The following ARB2A variants were observed in gnomAD, a reference collection of about 807,000 sequenced individuals.
ARB2A encodes cotranscriptional regulator ARB2A.
At chr5:93,637,912 T>C in the ARB2A span, among the ~76,000 whole-genome samples, 1 of 152,172 alleles carries the variant, frequency 6.6e-6, no homozygotes, top group African/African-American at 2.4e-5. Flanking sequence ...GCTTGACCTT[T>C]GGAGGGTCTG....
the ARB2A span, among the ~76,000 whole-genome samples, chr5:93,792,603 CA>C: frequency 2.0e-5 from 3 of 148,358 alleles, no homozygotes; most frequent in Non-Finnish European, 3.0e-5. Context: ...ACACCAAAAC[CA>C]AAAAACCAAA....
At chr5:93,804,753 A>G in the ARB2A span, 1 of 360,920 alleles carries the variant, frequency 2.8e-6, no homozygotes, top group Non-Finnish European at 3.9e-6. Context: ...TTTTTAATAT[A>G]TCTGTTTTAT....
At chr5:93,851,769 C>G in the ARB2A span, among the ~76,000 whole-genome samples, 1 of 152,118 alleles carries the variant, frequency 6.6e-6, no homozygotes, top group Non-Finnish European at 1.5e-5. Flanking sequence ...CATGTCCCTA[C>G]AAAGGACATG....
the ARB2A span, among the ~76,000 whole-genome samples, chr5:93,654,298 T>G: frequency 6.6e-6 from 1 of 152,206 alleles, no homozygotes; most frequent in East Asian, 1.9e-4. Flanking sequence ...GAACTCCCTC[T>G]AAGGTGAAGC....
chr5:93,920,625 C>G, the ARB2A span, among the ~76,000 whole-genome samples: 29 of 152,136 alleles, frequency 1.9e-4, 1 homozygote, highest in South Asian at 2.5e-3. Flanking sequence ...ATATAATATT[C>G]ACAAATATAT....
the ARB2A span, chr5:93,824,174 A>G: frequency 6.3e-7 from 1 of 1,595,476 alleles, no homozygotes. Context: ...AGTCCTCCAT[A>G]GCTGTGAGCA....
the ARB2A span, among the ~76,000 whole-genome samples, chr5:94,107,787 C>A: frequency 6.6e-6 from 1 of 152,178 alleles, no homozygotes; most frequent in East Asian, 1.9e-4. Flanking sequence ...CACTGTTGAG[C>A]TGTATGGACT....
At chr5:93,829,257 C>CT in the ARB2A span, among the ~76,000 whole-genome samples, 1 of 152,166 alleles carries the variant, frequency 6.6e-6, no homozygotes, top group Non-Finnish European at 1.5e-5. Flanking sequence ...AGAACAGTCT[C>CT]TGTGTTCCAG....
At chr5:94,077,122 C>A in the ARB2A span, among the ~76,000 whole-genome samples, 20 of 152,048 alleles carry the variant, frequency 1.3e-4, no homozygotes, top group African/African-American at 4.3e-4. Flanking sequence ...CGCCTGTAAT[C>A]CCAGCACTTT....
At chr5:93,830,296 T>TAC in the ARB2A span, among the ~76,000 whole-genome samples, 3 of 19,418 alleles carry the variant, frequency 1.5e-4, no homozygotes, top group Non-Finnish European at 3.2e-4. Context: ...TATATGTATA[T>TAC]ATATGTGTGT....
the ARB2A span, among the ~76,000 whole-genome samples, chr5:93,780,994 T>G: frequency 6.6e-6 from 1 of 152,238 alleles, no homozygotes. Context: ...AATGGATACA[T>G]AACATCAGTA....
the ARB2A span, among the ~76,000 whole-genome samples, chr5:93,884,150 T>A: frequency 1.3e-5 from 2 of 151,636 alleles, no homozygotes; most frequent in Non-Finnish European, 3.0e-5. Flanking sequence ...CATCTTTGTA[T>A]AATGAATAAA....
chr5:93,929,991 ACACT>A, the ARB2A span, among the ~76,000 whole-genome samples: 2 of 152,166 alleles, frequency 1.3e-5, no homozygotes, highest in African/African-American at 4.8e-5. Context: ...ACAAGAAATG[ACACT>A]CACTTCAGCG....
At chr5:93,886,232 C>T in the ARB2A span, among the ~76,000 whole-genome samples, 3 of 151,666 alleles carry the variant, frequency 2.0e-5, no homozygotes, top group African/African-American at 7.3e-5. Flanking sequence ...AATAAAAAAT[C>T]AGCTGAAAGT....
At chr5:93,897,044 G>A in the ARB2A span, among the ~76,000 whole-genome samples, 1 of 151,862 alleles carries the variant, frequency 6.6e-6, no homozygotes, top group Non-Finnish European at 1.5e-5. Flanking sequence ...ATACATAAAG[G>A]GAAAGTATAG....
the ARB2A span, chr5:94,055,654 T>C: frequency 4.4e-5 from 43 of 985,334 alleles, no homozygotes; most frequent in South Asian, 1.6e-3. Flanking sequence ...TTAGTAAAGT[T>C]CTTACCACCT....
At chr5:93,687,638 T>C in the ARB2A span, among the ~76,000 whole-genome samples, 1 of 152,170 alleles carries the variant, frequency 6.6e-6, no homozygotes, top group Non-Finnish European at 1.5e-5. Context: ...TTTTTATAAT[T>C]GGAAAAAAGC....
chr5:93,821,197 T>C, the ARB2A span, among the ~76,000 whole-genome samples: 1 of 152,202 alleles, frequency 6.6e-6, no homozygotes, highest in African/African-American at 2.4e-5. Flanking sequence ...CAATTTTTTT[T>C]TGAAATTCAT....
At chr5:93,906,016 T>C in the ARB2A span, among the ~76,000 whole-genome samples, 1 of 151,682 alleles carries the variant, frequency 6.6e-6, no homozygotes, top group African/African-American at 2.4e-5. Context: ...ATTTTGATAT[T>C]ATTTACATTA....
Sources: gnomAD v4.1 joint callset for allele counts (sites outside exome capture counted in the v4.1 genomes callset) on GRCh38, gnomAD v4.1.1 for gene constraint, MANE v1.5 for transcripts, NCBI Gene and HGNC (gene_info 2026-07-23, HGNC 2026-07-21) for gene names.